The following FBXW12 variants were observed in gnomAD, a reference collection of about 807,000 sequenced individuals.
The protein encoded by FBXW12 is F-box and WD repeat domain containing 12.
In FBXW12, 43 loss-of-function variants were observed where a neutral mutation model predicts 55.3. That is an observed-to-expected ratio of 0.78 (90% CI 0.61 to 1.00). The LOEUF is 1.00. Ranked by LOEUF, FBXW12 falls within the 50% of genes least tolerant of loss-of-function variation. The pLI, the probability that FBXW12 is intolerant of heterozygous loss-of-function variation, is 0.00. For synonymous variants in FBXW12, 184 were observed against 203.8 expected (o/e 0.90, Z 0.83); for missense variants, 524 against 560.5 (o/e 0.93, Z 0.66).
chr3:48,390,681 T>C (rs2036911827), intron 10 of FBXW12, among the ~76,000 whole-genome samples: 1 of 152,078 alleles, frequency 6.6e-6, no homozygotes, highest in Non-Finnish European at 1.5e-5. Context: ...CCCAAAGTGC[T>C]GGGATTACAG....
chr3:48,394,544 A>AT lies in FBXW12; in HGVS notation c.1296-11dup. ...TTCTCTTTTGTTCACTGATGATCTT[A>AT]TTTTTCCATTGACAGCTGCATCTCC... is the stretch of plus-strand genomic sequence containing the variant. On this transcript the variant is annotated splice_polypyrimidine_tract_variant and intron_variant, in intron 10 of 10. Coordinates refer to ENST00000296438, the MANE Select transcript of FBXW12 (RefSeq NM_207102.2). The AT allele has an allele frequency of 6.7e-7, 1 of 1,493,252 alleles. No homozygotes were observed. The highest frequency in any genetic ancestry group is 9.3e-7 in the Non-Finnish European group (1 of 1,078,016). 92.5% of individuals were successfully genotyped at this position (1,493,252 alleles called of 1,614,324 possible).
chr3:48,385,546 G>C (rs2106646025), intron 10 of FBXW12, among the ~76,000 whole-genome samples: 1 of 152,252 alleles, frequency 6.6e-6, no homozygotes, highest in Admixed American at 6.5e-5. Flanking sequence ...ACCCAGGAGT[G>C]GGATTGCTGT....
At chr3:48,375,897 G>A (rs1385617397) in intron 5 of FBXW12, among the ~76,000 whole-genome samples, 1 of 150,432 alleles carries the variant, frequency 6.6e-6, no homozygotes, top group African/African-American at 2.5e-5. Flanking sequence ...GGATGGTCTC[G>A]ATCTCCTGAC....
intron 5 of FBXW12, among the ~76,000 whole-genome samples, chr3:48,377,720 T>C (rs2036705031): frequency 6.6e-6 from 1 of 152,242 alleles, no homozygotes; most frequent in African/African-American, 2.4e-5. Flanking sequence ...GGGGGAGTTG[T>C]TAAATAGAGC....
At position 48,394,716 on chromosome 3, in the gene FBXW12, C is replaced by G; in HGVS notation, c.*57C>G. ...TCTTCTGCAATGTAGTAAAGAAATT[C>G]TATTTGCAAGCCCAGAATGATTATT... is the stretch of plus-strand genomic sequence containing the variant. On this transcript the variant is annotated 3_prime_UTR_variant, in exon 11 of 11. Transcript: ENST00000296438. 1.1e-6 allele frequency: 1 copy of G among 940,178 alleles called. No homozygotes were observed. Among genetic ancestry groups the G allele is most frequent in the South Asian group, 1.4e-5 (1 of 70,230 alleles). The allele number at this position is 940,178 out of a possible 1,614,324, so 58.2% of individuals were successfully genotyped here. A position where few individuals can be genotyped will look rare whatever the true frequency, so the allele number is the denominator to read the frequency against.
At chr3:48,379,581 C>A (rs746325002) in intron 7 of FBXW12, 23 bp downstream of exon 7, 3 of 1,608,426 alleles carry the variant, frequency 1.9e-6, no homozygotes, top group Middle Eastern at 1.7e-4. Context: ...CTGTGTATTT[C>A]AATTTCAGGA....
In FBXW12 at chr3:48,387,733, T is replaced by A. The variant is rs79277798; in HGVS notation, c.1295+5648T>A. Among the ~76,000 whole-genome samples, 1,311 of 152,138 alleles carry A rather than the reference T, an allele frequency of 8.6e-3. 14 individuals are homozygous for A. Among genetic ancestry groups the A allele is most frequent in the African/African-American group, 0.017 (721 of 41,504 alleles). ...CAGACTATTTTTTAATTAATTAATT[T>A]ATTTATTTATTTGTGGAGATTGGGT... On this transcript the variant is annotated intron_variant, in intron 10 of 10. Coordinates refer to ENST00000296438, the MANE Select transcript of FBXW12 (RefSeq NM_207102.2).
intron 4 of FBXW12, 116 bp from the exon 5 acceptor site, chr3:48,375,238 T>C (rs2036665654): frequency 4.2e-6 from 3 of 708,612 alleles, no homozygotes; most frequent in Non-Finnish European, 7.3e-6. Flanking sequence ...TTCTATCTTC[T>C]CCATATTGTT....
In FBXW12 at chr3:48,372,751, G is replaced by T; in HGVS notation, c.-17G>T. ...GAGAGGAGAAAGGAAAGTGGATGTGGGTTCAGGCCGCATGAAATGGAGATC... is the reference window on the plus strand; with the variant it reads ...GAGAGGAGAAAGGAAAGTGGATGTGTGTTCAGGCCGCATGAAATGGAGATC... On this transcript the variant is annotated 5_prime_UTR_variant, in exon 2 of 11. Transcript: ENST00000296438. The T allele has an allele frequency of 6.2e-7, 1 of 1,614,156 alleles. No homozygotes were observed. The highest frequency in any genetic ancestry group is 8.5e-7 in the Non-Finnish European group (1 of 1,180,004).
At chr3:48,392,073 T>A (rs2036936427) in intron 10 of FBXW12, among the ~76,000 whole-genome samples, 1 of 152,214 alleles carries the variant, frequency 6.6e-6, no homozygotes, top group African/African-American at 2.4e-5. Context: ...GGGCCTTCTA[T>A]CCCATTCCAC....
At chr3:48,373,164 C>T (rs1470599205) in intron 2 of FBXW12, 144 bp from the exon 3 acceptor site, 1 of 1,230,616 alleles carries the variant, frequency 8.1e-7, no homozygotes, top group Non-Finnish European at 1.2e-6. Context: ...TCCTTATCTC[C>T]CCACACTGAG....
chr3:48,380,491 C>T (rs2036750015), intron 7 of FBXW12, among the ~76,000 whole-genome samples: 1 of 152,184 alleles, frequency 6.6e-6, no homozygotes, highest in Admixed American at 6.5e-5. Flanking sequence ...GCTTCAGGGA[C>T]ATTGTTCTGT....
intron 10 of FBXW12, among the ~76,000 whole-genome samples, chr3:48,386,344 G>T (rs1056398424): frequency 1.3e-5 from 2 of 152,134 alleles, no homozygotes; most frequent in Non-Finnish European, 1.5e-5. Flanking sequence ...CTGAGCTGTT[G>T]GTCACTGTGC....
rs535679210 is a variant in FBXW12, at chr3:48,391,445, T to C, written c.1296-3115T>C. Among the ~76,000 whole-genome samples the C allele has an allele frequency of 7.2e-5, 11 of 152,250 alleles. No homozygotes were observed. The South Asian group carries it at 2.3e-3, about 32-fold the overall frequency. ...TATTTGGATGCCCTTTATTTCTTTCTCTTGGCTGGCTGCTCTAGCTAGGAC... is the reference window on the plus strand; with the variant it reads ...TATTTGGATGCCCTTTATTTCTTTCCCTTGGCTGGCTGCTCTAGCTAGGAC... On this transcript the variant is annotated intron_variant, in intron 10 of 10. Coordinates refer to ENST00000296438, the MANE Select transcript of FBXW12 (RefSeq NM_207102.2).
At chr3:48,379,291 T>A in intron 6 of FBXW12, 109 bp from the exon 7 acceptor site, 1 of 998,072 alleles carries the variant, frequency 1.0e-6, no homozygotes, top group Non-Finnish European at 1.6e-6. Context: ...ATCTCCATTA[T>A]GTGATTGAAG....
chr3:48,372,556 G>A (rs999894870), intron 1 of FBXW12, 128 bp from the exon 2 acceptor site: 5 of 1,195,784 alleles, frequency 4.2e-6, no homozygotes, highest in Non-Finnish European at 5.8e-6. Context: ...GGTTTAGGTA[G>A]GGATGCCTGC....
At chr3:48,385,430 G>T (rs1235971946) in intron 10 of FBXW12, among the ~76,000 whole-genome samples, 6 of 151,392 alleles carry the variant, frequency 4.0e-5, no homozygotes, top group African/African-American at 1.5e-4. Flanking sequence ...ATACACTTAG[G>T]TTGATTCCAT....
chr3:48,378,350 T>C lies in FBXW12; in HGVS notation c.439T>C (p.Phe147Leu). The part of the protein sequence containing the change: ...TMIWSSPVQE[F>L]HFSNLVTLPQ... ...GATCTGGTCAAGCCCAGTCCAGGAG[T>C]TCCATTTCTCAAATCTGGTAACCCT... Residue 147 changes from phenylalanine to leucine, a missense_variant, in exon 6 of 11, where the codon TTC becomes CTC. Coordinates refer to ENST00000296438, the MANE Select transcript of FBXW12 (RefSeq NM_207102.2). 1 of 1,613,956 alleles carries C rather than the reference T, an allele frequency of 6.2e-7. No homozygotes were observed. Among genetic ancestry groups the C allele is most frequent in the Non-Finnish European group, 8.5e-7 (1 of 1,180,000 alleles).
chr3:48,379,753 G>GT, intron 7 of FBXW12, 195 bp downstream of exon 7: 1 of 550,638 alleles, frequency 1.8e-6, no homozygotes, highest in Non-Finnish European at 3.2e-6. Flanking sequence ...TGTGGCAAAT[G>GT]TTTAACAAAA....
Sources: gnomAD v4.1 joint callset for allele counts (sites outside exome capture counted in the v4.1 genomes callset) on GRCh38, gnomAD v4.1.1 for gene constraint, MANE v1.5 for transcripts, NCBI Gene and HGNC (gene_info 2026-07-23, HGNC 2026-07-21) for gene names.